The following VGLL4 variants were observed in gnomAD, a reference collection of about 807,000 sequenced individuals.
The protein encoded by VGLL4 is vestigial like family member 4, also known as transcription cofactor vestigial-like protein 4.
A neutral mutation model predicts 21.0 loss-of-function variants in VGLL4; 7 were observed. The ratio of observed to expected loss-of-function variants is 0.33; its 90% CI spans 0.19 to 0.63. VGLL4 has a LOEUF of 0.63. Among genes scored for constraint, VGLL4 ranks in the 20% least tolerant of loss-of-function variants. The pLI, the probability that VGLL4 is intolerant of heterozygous loss-of-function variation, is 0.78. For synonymous variants in VGLL4, 222 were observed against 173.2 expected (o/e 1.28, Z -2.21); for missense variants, 394 against 425.7 (o/e 0.93, Z 0.66).
In VGLL4 at chr3:11,558,577, G is replaced by A. The variant is rs754885883; in HGVS notation, c.870C>T (p.His290=). The change falls in exon 5 of 5, where the codon CAC becomes CAT. Residue 290 remains histidine (H), a synonymous_variant. Transcript: ENST00000430365. The part of the protein sequence containing the change: ...SPSAHMVSHS[H]SPSVVS ...CCCTTCAGGAGACCACAGAGGGGGA[G>A]TGACTGTGGCTGACCATGTGGGCAG... is the stretch of plus-strand genomic sequence containing the variant. The A allele has an allele frequency of 1.2e-5, 19 of 1,603,146 alleles. No individual in the cohort carries two copies. The South Asian group carries it at 1.9e-4, about 16-fold the overall frequency.
Position 11,558,598 on chromosome 3 carries a change from G to A in VGLL4, c.849C>T (p.Ala283=). 1.9e-6 allele frequency: 3 copies of A among 1,605,584 alleles called. No homozygotes were observed. Among genetic ancestry groups the A allele is most frequent in the Middle Eastern group, 3.3e-4 (2 of 6,062 alleles). ...SRRGQPASPS[A]HMVSHSHSPS... ...GGGAGTGACTGTGGCTGACCATGTG[G>A]GCAGAGGGGCTGGCGGGCTGGCCCC... Residue 283 remains alanine (A), a synonymous_variant, in exon 5 of 5, where the codon GCC becomes GCT. Transcript: ENST00000430365.
chr3:11,580,031 T>C (rs2125221891), intron 2 of VGLL4, among the ~76,000 whole-genome samples: 1 of 152,212 alleles, frequency 6.6e-6, no homozygotes, highest in East Asian at 1.9e-4. Context: ...TTTTTTTTAC[T>C]ATGGTAAAGT....
chr3:11,607,558 CT>C (rs1169999850), intron 1 of VGLL4, among the ~76,000 whole-genome samples: 1 of 152,160 alleles, frequency 6.6e-6, no homozygotes, highest in Non-Finnish European at 1.5e-5. Flanking sequence ...GTATTGTAGA[CT>C]TTAAATGGGT....
At chr3:11,655,883 T>G (rs569854307) in intron 2 of VGLL4, among the ~76,000 whole-genome samples, 2 of 152,282 alleles carry the variant, frequency 1.3e-5, no homozygotes, top group African/African-American at 4.8e-5. Context: ...CTGTTTTGCC[T>G]TATCATTGTT....
At chr3:11,721,111 G>A (rs768822268), upstream of VGLL4, 4 of 152,174 alleles carry the variant, frequency 2.6e-5, no homozygotes, top group Admixed American at 2.6e-4. Flanking sequence ...ATTATTAGGA[G>A]CCCCTACCGT....
At chr3:11,681,532 G>A (rs2076371198) in intron 2 of VGLL4, among the ~76,000 whole-genome samples, 1 of 152,236 alleles carries the variant, frequency 6.6e-6, no homozygotes, top group African/African-American at 2.4e-5. Flanking sequence ...CATGGGCACA[G>A]GGCCTTGGGC....
At chr3:11,710,715 T>G (rs979127352) in intron 1 of VGLL4, among the ~76,000 whole-genome samples, 13 of 152,142 alleles carry the variant, frequency 8.5e-5, no homozygotes, top group Admixed American at 6.5e-5. Flanking sequence ...AAAACCAATT[T>G]GGTTTCAGCT....
intron 2 of VGLL4, among the ~76,000 whole-genome samples, chr3:11,583,754 G>A (rs2125230092): frequency 6.6e-6 from 1 of 152,276 alleles, no homozygotes; most frequent in South Asian, 2.1e-4. Flanking sequence ...GCCAAGGATG[G>A]GCACATTCCT....
intron 1 of VGLL4, among the ~76,000 whole-genome samples, chr3:11,607,609 T>A (rs1419281324): frequency 6.6e-6 from 1 of 152,246 alleles, no homozygotes; most frequent in Non-Finnish European, 1.5e-5. Flanking sequence ...GTAGAAATGT[T>A]ACCTCTTCCT....
upstream of VGLL4, among the ~76,000 whole-genome samples, chr3:11,646,738 G>T (rs1194639368): frequency 6.6e-6 from 1 of 152,042 alleles, no homozygotes; most frequent in Non-Finnish European, 1.5e-5. Flanking sequence ...CTCAGCCTCC[G>T]GGTGGCAACC....
intron 2 of VGLL4, among the ~76,000 whole-genome samples, chr3:11,574,218 C>T (rs559036002): frequency 2.0e-5 from 3 of 152,210 alleles, no homozygotes; most frequent in South Asian, 2.1e-4. Flanking sequence ...CGTACCCACC[C>T]GCTGCCTTGC....
chr3:11,688,874 C>T (rs771370020), intron 2 of VGLL4, among the ~76,000 whole-genome samples: 3 of 151,916 alleles, frequency 2.0e-5, no homozygotes, highest in Non-Finnish European at 4.4e-5. Context: ...AAAAATTAGC[C>T]GGGCATGATG....
At chr3:11,658,232 G>GCCTGGATCTTTC (rs1559927930) in intron 2 of VGLL4, among the ~76,000 whole-genome samples, 2 of 152,216 alleles carry the variant, frequency 1.3e-5, no homozygotes, top group African/African-American at 4.8e-5. Flanking sequence ...ACCATGCCCG[G>GCCTGGATCTTTC]CTAAAACAAG....
chr3:11,690,707 G>T, intron 2 of VGLL4, among the ~76,000 whole-genome samples: 1 of 152,042 alleles, frequency 6.6e-6, no homozygotes, highest in East Asian at 1.9e-4. Context: ...AAAACAAATG[G>T]TACTTCACCA....
Position 11,601,832 on chromosome 3 carries a change from C to A in VGLL4, c.272+1G>T. On this transcript the variant is annotated splice_donor_variant, in intron 2 of 4. Transcript: ENST00000430365. LOFTEE classifies it high-confidence loss of function. ...GCCAAAATAAGAACAGAGGAACTCA[C>A]AGATGGGGGTTGAAGATGCGACTCA... The A allele has an allele frequency of 6.2e-7, 1 of 1,613,522 alleles. No homozygotes were observed. Among genetic ancestry groups the A allele is most frequent in the Non-Finnish European group, 8.5e-7 (1 of 1,179,710 alleles).
At chr3:11,654,955 G>A (rs2125346684) in intron 2 of VGLL4, among the ~76,000 whole-genome samples, 1 of 152,226 alleles carries the variant, frequency 6.6e-6, no homozygotes, top group African/African-American at 2.4e-5. Flanking sequence ...TTTTTGAAAT[G>A]CAAACAATTC....
Position 11,601,172 on chromosome 3 carries a change from C to T in VGLL4, c.272+661G>A, listed in dbSNP as rs569720128. 7.2e-5 allele frequency among the ~76,000 whole-genome samples: 11 copies of T among 152,298 alleles called. No individual in the cohort carries two copies. In the East Asian group the frequency reaches 1.9e-3, roughly 27 times the overall value. ...GATTCAGGGATCTGTGGTTTCAGCC[C>T]GTGTTTCACAAATAACAAAACTGAG... On this transcript the variant is annotated intron_variant, in intron 2 of 4. Coordinates refer to ENST00000430365, the MANE Select transcript of VGLL4 (RefSeq NM_001128219.3).
intron 2 of VGLL4, among the ~76,000 whole-genome samples, chr3:11,582,607 C>T (rs1215482978): frequency 6.6e-6 from 1 of 152,202 alleles, no homozygotes; most frequent in African/African-American, 2.4e-5. Context: ...GTCAGAATTA[C>T]AGCACGCGAT....
At chr3:11,681,666 G>A (rs1559942000) in intron 2 of VGLL4, among the ~76,000 whole-genome samples, 3 of 152,238 alleles carry the variant, frequency 2.0e-5, no homozygotes, top group African/African-American at 7.2e-5. Context: ...GCATACCAAT[G>A]CAGTTGTAAA....
Sources: gnomAD v4.1 joint callset for allele counts (sites outside exome capture counted in the v4.1 genomes callset) on GRCh38, gnomAD v4.1.1 for gene constraint, MANE v1.5 for transcripts, NCBI Gene and HGNC (gene_info 2026-07-23, HGNC 2026-07-21) for gene names.